Variants in CDKL4 observed in about 807,000 individuals in gnomAD.
CDKL4 encodes the protein cyclin-dependent kinase-like 4.
CDKL4 carries 44 observed loss-of-function variants against 42.0 expected under a neutral mutation model. That is an observed-to-expected ratio of 1.05 (90% CI 0.82 to 1.35). CDKL4 has a LOEUF of 1.35. CDKL4 is among the 40% of genes most tolerant of loss of function. CDKL4 has a pLI of 0.00. For missense variants in CDKL4, 393 were observed against 369.9 expected (o/e 1.06, Z -0.51); for synonymous variants, 120 against 121.6 (o/e 0.99, Z 0.09).
the CDKL4 span, among the ~76,000 whole-genome samples, chr2:39,169,345 C>T: frequency 6.6e-6 from 1 of 152,104 alleles, no homozygotes; most frequent in Non-Finnish European, 1.5e-5. Context: ...AGATGGTTGC[C>T]TGTAAACTAC....
chr2:39,193,059 T>C (rs1299337314), intron 5 of CDKL4, among the ~76,000 whole-genome samples: 4 of 150,314 alleles, frequency 2.7e-5, no homozygotes, highest in South Asian at 2.1e-4. Context: ...GCCTAGGAGG[T>C]TGAGGCTGCA....
At chr2:39,176,826 G>C (rs76718362) in intron 9 of CDKL4, among the ~76,000 whole-genome samples, 3,699 of 152,242 alleles carry the variant, frequency 0.024, 55 homozygotes, top group Middle Eastern at 0.027. Context: ...TAAGGAAACC[G>C]CAATGAATGA....
intron 6 of CDKL4, 31 bp downstream of exon 6, chr2:39,190,274 C>T (rs1676100544): frequency 3.9e-6 from 6 of 1,521,532 alleles, no homozygotes; most frequent in Non-Finnish European, 5.5e-6. Flanking sequence ...AACAATTCAG[C>T]AACTCTGTTG....
At chr2:39,171,364 T>C (rs894902418), downstream of CDKL4, among the ~76,000 whole-genome samples, 1 of 152,188 alleles carries the variant, frequency 6.6e-6, no homozygotes, top group Non-Finnish European at 1.5e-5. Flanking sequence ...TTTCAACTCT[T>C]CATCCCCCAA....
chr2:39,180,839 C>T (rs547181399), intron 8 of CDKL4, among the ~76,000 whole-genome samples: 134 of 152,218 alleles, frequency 8.8e-4, no homozygotes, highest in South Asian at 2.7e-3. Flanking sequence ...TACAGGCATG[C>T]ACCACCATGC....
rs1483221582 is a variant in CDKL4, at chr2:39,179,178, CG to C, written c.927+8del. The C allele has an allele frequency of 5.7e-6, 9 of 1,587,794 alleles. No homozygotes were observed. Among genetic ancestry groups the C allele is most frequent in the Non-Finnish European group, 7.7e-6 (9 of 1,173,778 alleles). ...TTTTTATAGCACTTTAACTTTTGAG[CG>C]GAAGTACCTGTTGGCGTCTTCTGTT... On this transcript the variant is annotated splice_region_variant and intron_variant, in intron 9 of 9. Coordinates refer to ENST00000451199, the Ensembl canonical transcript of CDKL4.
chr2:39,224,385 A>G (rs1012092746), intron 3 of CDKL4, among the ~76,000 whole-genome samples: 2 of 152,122 alleles, frequency 1.3e-5, no homozygotes, highest in Non-Finnish European at 2.9e-5. Context: ...TTTAAATAAA[A>G]TCCTTACATA....
intron 3 of CDKL4, among the ~76,000 whole-genome samples, chr2:39,214,259 C>T (rs1677777406): frequency 6.6e-6 from 1 of 152,076 alleles, no homozygotes; most frequent in Admixed American, 6.6e-5. Context: ...AAAATAAAAA[C>T]ATTCGTATGG....
chr2:39,239,424 C>T (rs941373534), intron 1 of CDKL4, among the ~76,000 whole-genome samples: 5 of 152,026 alleles, frequency 3.3e-5, no homozygotes, highest in African/African-American at 1.2e-4. Context: ...AAAAGCTAAG[C>T]CACAGACTAA....
At chr2:39,215,496 T>C (rs1677862637) in intron 3 of CDKL4, among the ~76,000 whole-genome samples, 1 of 152,242 alleles carries the variant, frequency 6.6e-6, no homozygotes, top group African/African-American at 2.4e-5. Flanking sequence ...AGAGTTTCTT[T>C]TACTAAATGT....
chr2:39,211,775 T>C (rs1479541842), intron 4 of CDKL4, among the ~76,000 whole-genome samples: 3 of 151,978 alleles, frequency 2.0e-5, no homozygotes, highest in Middle Eastern at 3.4e-3. Flanking sequence ...GGGAAAATGA[T>C]AATGGAGGGG....
At chr2:39,219,404 CTTAT>C (rs35984945) in intron 3 of CDKL4, among the ~76,000 whole-genome samples, 3,229 of 148,496 alleles carry the variant, frequency 0.022, 110 homozygotes, top group African/African-American at 0.075. Context: ...GAAACAGGTA[CTTAT>C]TTATTTATTT....
chr2:39,213,609 T>C (rs1677721458), intron 3 of CDKL4, 137 bp from the exon 4 acceptor site: 2 of 457,882 alleles, frequency 4.4e-6, no homozygotes, highest in East Asian at 6.4e-5. Context: ...AAATATATTT[T>C]AGTGAAAATT....
intron 8 of CDKL4, among the ~76,000 whole-genome samples, chr2:39,183,616 GTCTCCCT>G (rs1442253496): frequency 1.3e-5 from 2 of 152,174 alleles, no homozygotes; most frequent in South Asian, 4.1e-4. Flanking sequence ...AGTGCTTGAT[GTCTCCCT>G]TCTCCCTTGC....
rs535404750 is a variant in CDKL4 at position 39,190,617 on chromosome 2, G to C, written c.455-115C>G. 8.4e-5 allele frequency: 67 copies of C among 799,544 alleles called. No individual in the cohort carries two copies. The South Asian group carries it at 1.0e-3, about 12-fold the overall frequency. 49.5% of individuals were successfully genotyped at this position (799,544 alleles called of 1,614,324 possible). On this transcript the variant is annotated intron_variant, in intron 5 of 9. Coordinates refer to ENST00000451199, the Ensembl canonical transcript of CDKL4. The stretch of plus-strand genomic sequence containing the variant: ...CCATCAGAGGCCATGATACTCTTAA[G>C]GGTTAATGCATTGAGGCACTAATTG...
At chr2:39,221,884 G>C (rs1011912075) in intron 3 of CDKL4, among the ~76,000 whole-genome samples, 3 of 152,200 alleles carry the variant, frequency 2.0e-5, no homozygotes, top group African/African-American at 4.8e-5. Context: ...AGATGTTGGA[G>C]TTGCTTCTCT....
intron 9 of CDKL4, chr2:39,178,859 C>A (rs1675278931): frequency 6.7e-7 from 1 of 1,487,806 alleles, no homozygotes; most frequent in Admixed American, 2.5e-5. Flanking sequence ...AAAACTCAGT[C>A]CTGTTGGAAT....
chr2:39,210,664 T>C (rs897684448), intron 4 of CDKL4, among the ~76,000 whole-genome samples: 1 of 152,222 alleles, frequency 6.6e-6, no homozygotes, highest in African/African-American at 2.4e-5. Flanking sequence ...GGATAAAGTA[T>C]AAACACTTGT....
In CDKL4 at chr2:39,219,535, C is replaced by T. The variant is rs1573004426; in HGVS notation, c.291-6063G>A. ...TTCTGGGTTCAAGCAATTCTCCTGC[C>T]TTAGCCTCCTGAGTAGGTGGGACTA... is the stretch of plus-strand genomic sequence containing the variant. On this transcript the variant is annotated intron_variant, in intron 3 of 9. Transcript: ENST00000451199. 2.0e-5 allele frequency among the ~76,000 whole-genome samples: 3 copies of T among 152,136 alleles called. No homozygotes were observed. In the South Asian group the frequency reaches 6.2e-4, roughly 32 times the overall value.
Sources: gnomAD v4.1 joint callset for allele counts (sites outside exome capture counted in the v4.1 genomes callset) on GRCh38, gnomAD v4.1.1 for gene constraint, MANE v1.5 for transcripts, NCBI Gene and HGNC (gene_info 2026-07-23, HGNC 2026-07-21) for gene names.